FCHO1: variants seen among roughly 807,000 people sequenced by gnomAD.
The protein encoded by FCHO1 is FCH and mu domain containing endocytic adaptor 1.
FCHO1 carries 45 observed loss-of-function variants against 114.4 expected under a neutral mutation model. The ratio of observed to expected loss-of-function variants is 0.39; its 90% confidence interval spans 0.31 to 0.50. FCHO1 has a LOEUF of 0.50. FCHO1 is among the 20% of genes least tolerant of loss of function. The probability of loss-of-function intolerance (pLI) is 0.77; values close to 1 mark genes in which losing one functional copy is unlikely to be tolerated. For missense variants in FCHO1, 1,042 were observed against 1,209.6 expected (o/e 0.86, Z 2.06); for synonymous variants, 480 against 488.9 (o/e 0.98, Z 0.24).
chr19:17,767,405 A>AAAAAAC (rs1419963971), intron 7 of FCHO1, among the ~76,000 whole-genome samples: 1 of 151,188 alleles, frequency 6.6e-6, no homozygotes, highest in East Asian at 1.9e-4. Flanking sequence ...CAAAAAAAAA[A>AAAAAAC]AAACACCCAA....
At chr19:17,759,819 A>G (rs751856155) in intron 4 of FCHO1, among the ~76,000 whole-genome samples, 73 of 152,074 alleles carry the variant, frequency 4.8e-4, no homozygotes, top group Non-Finnish European at 9.9e-4. Context: ...TGTTAAAAAA[A>G]AAATCCTCAT....
At chr19:17,774,998 CAG>C (rs1383224351) in intron 13 of FCHO1, 56 bp from the exon 14 acceptor site, 17 of 1,600,696 alleles carry the variant, frequency 1.1e-5, no homozygotes, top group East Asian at 6.7e-5. Context: ...TGGGGGCTGA[CAG>C]GGGGCACCAG....
chr19:17,776,505 T>C lies in FCHO1; in HGVS notation c.1208-130T>C, dbSNP rs2092650937. 1.8e-6 allele frequency: 2 copies of C among 1,127,486 alleles called. No individual in the cohort carries two copies. The highest frequency in any genetic ancestry group is 2.7e-6 in the Non-Finnish European group (2 of 748,132). 69.8% of individuals were successfully genotyped at this position (1,127,486 alleles called of 1,614,324 possible). A position where few individuals can be genotyped will look rare whatever the true frequency, so the allele number is the denominator to read the frequency against. ...ACAGGCTCGCTTAGGCTTGAATCCA[T>C]GTCTGCCTGATTTGCTGATCACCTT... On this transcript the variant is annotated intron_variant, in intron 17 of 28. Coordinates refer to ENST00000596536, the MANE Select transcript of FCHO1 (RefSeq NM_015122.3). This position sits in a 1 kb window ranked among gnomAD's most constrained non-coding sequence, Gnocchi z 4.4.
intron 7 of FCHO1, among the ~76,000 whole-genome samples, chr19:17,767,563 T>TCAAAAAAAAAAAA (rs759888511): frequency 8.7e-6 from 1 of 114,328 alleles, no homozygotes; most frequent in African/African-American, 3.5e-5. Flanking sequence ...AAAGACTGTC[T>TCAAAAAAAAAAAA]AAAAAAAAAA....
At chr19:17,757,182 TAAA>T (rs768156240) in intron 4 of FCHO1, among the ~76,000 whole-genome samples, 41 of 83,356 alleles carry the variant, frequency 4.9e-4, no homozygotes, top group African/African-American at 1.1e-3. Context: ...AGACTCCGTC[TAAA>T]AAAAAAAAAA....
chr19:17,787,907 CGGGGTGTGGGGAGGGATT>C, intron 28 of FCHO1, 61 bp downstream of exon 28: 1 of 1,461,900 alleles, frequency 6.8e-7, no homozygotes, highest in Non-Finnish European at 9.3e-7. Context: ...GGGCAAGCCC[CGGGGTGTGGGGAGGGATT>C]GGGGTGTGGG....
intron 8 of FCHO1, 26 bp from the exon 9 acceptor site, chr19:17,770,766 C>G (rs1204176505): frequency 1.2e-6 from 2 of 1,612,088 alleles, no homozygotes; most frequent in Non-Finnish European, 1.7e-6. Flanking sequence ...GCCCTCCCAT[C>G]CCCGTTTCCT....
intron 5 of FCHO1, 41 bp downstream of exon 5, chr19:17,762,894 C>A: frequency 7.3e-7 from 1 of 1,375,778 alleles, no homozygotes; most frequent in Non-Finnish European, 1.0e-6. Context: ...CCACGCCCAC[C>A]ATCCTGTAGT....
In FCHO1 at chr19:17,775,881, A is replaced by G. The variant is rs2099634764; in HGVS notation, c.1004-102A>G. On this transcript the variant is annotated intron_variant, in intron 15 of 28. Coordinates refer to ENST00000596536, the MANE Select transcript of FCHO1 (RefSeq NM_015122.3). The surrounding 1 kb of genome is among the most constrained non-coding windows in gnomAD (Gnocchi z 5.1). ...CGCGTGGTGAGCGATGGGATTGGGC[A>G]GGACCTCGAAGGGTTTGAGCAGGGA... The G allele has an allele frequency of 7.2e-7, 1 of 1,390,152 alleles. No individual in the cohort carries two copies. The highest frequency in any genetic ancestry group is 1.3e-5 in the South Asian group (1 of 76,766). The allele number at this position is 1,390,152 out of a possible 1,614,324, so 86.1% of individuals were successfully genotyped here. A position where few individuals can be genotyped will look rare whatever the true frequency, so the allele number is the denominator to read the frequency against.
At chr19:17,757,717 C>A (rs969452310) in intron 4 of FCHO1, among the ~76,000 whole-genome samples, 7 of 152,088 alleles carry the variant, frequency 4.6e-5, no homozygotes, top group African/African-American at 7.2e-5. Context: ...GACTTTGAGA[C>A]CAGCCTGGGC....
chr19:17,779,638 T>G (rs1190586731), intron 20 of FCHO1, among the ~76,000 whole-genome samples: 5 of 48,710 alleles, frequency 1.0e-4, no homozygotes, highest in Admixed American at 2.6e-4. Flanking sequence ...GGGAGGAGGA[T>G]GGGGAAGGGG....
rs140602865 is a variant in FCHO1, at chr19:17,762,923, A to G, written c.119+70A>G. Reference sequence around the variant, plus strand: ...CTGTAGTCACGCCCACCTAATGGCTACGCCCTGCATGGTCAGGGGCTAGAA... The same window carrying G: ...CTGTAGTCACGCCCACCTAATGGCTGCGCCCTGCATGGTCAGGGGCTAGAA... On this transcript the variant is annotated intron_variant, in intron 5 of 28. Coordinates refer to ENST00000596536, the MANE Select transcript of FCHO1 (RefSeq NM_015122.3). 116 of 1,067,134 alleles carry G rather than the reference A, an allele frequency of 1.1e-4. 1 individual carries two copies. In the East Asian group the frequency reaches 2.8e-3, roughly 25 times the overall value. 66.1% of individuals were successfully genotyped at this position (1,067,134 alleles called of 1,614,324 possible).
chr19:17,781,598 G>T, intron 22 of FCHO1, 59 bp downstream of exon 22: 10 of 1,589,170 alleles, frequency 6.3e-6, no homozygotes, highest in Non-Finnish European at 8.6e-6. Flanking sequence ...CTCTGGTCTG[G>T]GTGGGTGGCT....
At chr19:17,779,888 G>A (rs1302593679) in intron 20 of FCHO1, among the ~76,000 whole-genome samples, 3 of 152,030 alleles carry the variant, frequency 2.0e-5, no homozygotes, top group Non-Finnish European at 4.4e-5. Flanking sequence ...AGCCGCCCAG[G>A]GAGAGCAGAG....
In FCHO1 at chr19:17,776,110, G is replaced by A. The variant is rs1173497918; in HGVS notation, c.1131G>A (p.Ala377=). Residue 377 remains alanine, a synonymous_variant, in exon 16 of 29, where the codon GCG becomes GCA. Coordinates refer to ENST00000596536, the MANE Select transcript of FCHO1 (RefSeq NM_015122.3). This position sits in a 1 kb window ranked among gnomAD's most constrained non-coding sequence, Gnocchi z 4.4. Reference sequence around the variant, plus strand: ...CAGCCTGCAGCCCCGAGGCAGCAGCGGCACAGCTCAGGGCCACCGCGGGCA... The same window carrying A: ...CAGCCTGCAGCCCCGAGGCAGCAGCAGCACAGCTCAGGGCCACCGCGGGCA... The part of the protein sequence containing the change: ...RAPACSPEAA[A]AQLRATAGSL... 9 of 1,612,960 alleles carry A rather than the reference G, an allele frequency of 5.6e-6. No homozygotes were observed. Among genetic ancestry groups the A allele is most frequent in the Middle Eastern group, 1.6e-4 (1 of 6,062 alleles).
At position 17,775,499 on chromosome 19, in the gene FCHO1, A is replaced by T; in HGVS notation, c.989A>T (p.Asp330Val). ...GAAGAAGGTTTCACTGTCCGGCCTGATGTGACCCAGAACAATATCCTTCTG... is the reference window on the plus strand; with the variant it reads ...GAAGAAGGTTTCACTGTCCGGCCTGTTGTGACCCAGAACAATATCCTTCTG... ...VDEEGFTVRP[D>V]VTQNSTAEPS... is the part of the protein sequence containing the mutation. The change falls in exon 15 of 29, where the codon GAT becomes GTT. Residue 330 changes from aspartate (D) to valine (V), a missense_variant. By Grantham distance (152) the Asp-to-Val change is radical (BLOSUM62 -3). Coordinates refer to ENST00000596536, the MANE Select transcript of FCHO1 (RefSeq NM_015122.3). The surrounding 1 kb of genome is among the most constrained non-coding windows in gnomAD (Gnocchi z 5.1). 1.9e-6 allele frequency: 3 copies of T among 1,613,890 alleles called. No individual in the cohort carries two copies. The highest frequency in any genetic ancestry group is 2.5e-6 in the Non-Finnish European group (3 of 1,179,928).
chr19:17,782,912 CG>C, intron 23 of FCHO1, 104 bp from the exon 24 acceptor site: 1 of 1,292,478 alleles, frequency 7.7e-7, no homozygotes, highest in Non-Finnish European at 1.1e-6. Context: ...CTCCTAGATC[CG>C]AGGAGTCTGG....
At chr19:17,769,392 C>T (rs977912080) in intron 7 of FCHO1, among the ~76,000 whole-genome samples, 5 of 151,136 alleles carry the variant, frequency 3.3e-5, no homozygotes, top group South Asian at 4.2e-4. Flanking sequence ...CTGACTAACA[C>T]GGTGAAACCC....
chr19:17,770,741 G>A lies in FCHO1; in HGVS notation c.490-51G>A, dbSNP rs1297244365. 7 of 1,602,856 alleles carry A rather than the reference G, an allele frequency of 4.4e-6. No individual in the cohort carries two copies. In the African/African-American group the frequency reaches 8.0e-5, roughly 18 times the overall value. ...CTGCCAGGTGATGGGGCCTGGGGGAGGCCCCCTGAGTATCGCCCTCCCATC... is the reference window on the plus strand; with the variant it reads ...CTGCCAGGTGATGGGGCCTGGGGGAAGCCCCCTGAGTATCGCCCTCCCATC... On this transcript the variant is annotated intron_variant, in intron 8 of 28. Transcript: ENST00000596536.
Sources: allele counts gnomAD v4.1 joint callset (sites outside exome capture counted in the v4.1 genomes callset), GRCh38; gene constraint gnomAD v4.1.1; non-coding constraint Gnocchi (gnomAD v3.1); transcripts MANE v1.5; gene names NCBI Gene and HGNC (gene_info 2026-07-23, HGNC 2026-07-21).